The following KCNQ5 variants were observed in gnomAD, a reference collection of about 807,000 sequenced individuals.
KCNQ5 encodes potassium voltage-gated channel subfamily KQT member 5.
A neutral mutation model predicts 98.2 loss-of-function variants in KCNQ5; 30 were observed. The observed-to-expected ratio is 0.31, with a 90% CI of 0.23 to 0.41. The LOEUF (loss-of-function observed/expected upper bound fraction) is 0.41, where lower values mean the gene tolerates loss of function less well. Ranked by LOEUF, KCNQ5 falls within the 10% of genes least tolerant of loss-of-function variation. The probability of loss-of-function intolerance (pLI) is 1.00; values close to 1 mark genes in which losing one functional copy is unlikely to be tolerated. For missense variants in KCNQ5, 835 were observed against 1,182.5 expected (o/e 0.71, Z 4.31); for synonymous variants, 458 against 449.4 (o/e 1.02, Z -0.24).
intron 1 of KCNQ5, among the ~76,000 whole-genome samples, chr6:72,658,539 C>G (rs1766318750): frequency 7.3e-6 from 1 of 137,762 alleles, no homozygotes; most frequent in Admixed American, 7.7e-5. Flanking sequence ...CCTCAGCCTC[C>G]CAAAGTGCTG....
intron 1 of KCNQ5, among the ~76,000 whole-genome samples, chr6:72,712,977 C>T (rs1053944924): frequency 2.0e-5 from 3 of 152,148 alleles, no homozygotes; most frequent in African/African-American, 7.2e-5. Context: ...TTTCTCTCTC[C>T]TGTTTGCTGC....
intron 11 of KCNQ5, among the ~76,000 whole-genome samples, chr6:73,178,074 AATTT>A (rs1459106882): frequency 6.6e-6 from 1 of 151,938 alleles, no homozygotes; most frequent in African/African-American, 2.4e-5. Flanking sequence ...ATGTATAGTC[AATTT>A]ATTTATTTAC....
intron 11 of KCNQ5, among the ~76,000 whole-genome samples, chr6:73,185,187 A>G (rs1778526654): frequency 6.6e-6 from 1 of 152,100 alleles, no homozygotes; most frequent in Non-Finnish European, 1.5e-5. Context: ...GAAAGAAGTG[A>G]GCTTTTTTTG....
intron 1 of KCNQ5, among the ~76,000 whole-genome samples, chr6:72,768,736 T>C (rs957948102): frequency 6.6e-6 from 1 of 151,936 alleles, no homozygotes; most frequent in African/African-American, 2.4e-5. Context: ...TCTTTATAGT[T>C]ACCTTATTTT....
At chr6:72,765,670 C>G (rs117339450) in intron 1 of KCNQ5, among the ~76,000 whole-genome samples, 1 of 151,974 alleles carries the variant, frequency 6.6e-6, no homozygotes, top group Non-Finnish European at 1.5e-5. Flanking sequence ...AGGCAGGAGG[C>G]AGCTGATATC....
intron 1 of KCNQ5, among the ~76,000 whole-genome samples, chr6:72,895,580 T>C (rs747649615): frequency 1.2e-4 from 18 of 151,022 alleles, no homozygotes; most frequent in Non-Finnish European, 1.8e-4. Flanking sequence ...GAATTAGTCA[T>C]TACCGTGTAC....
intron 1 of KCNQ5, among the ~76,000 whole-genome samples, chr6:72,836,599 C>CT (rs1236329382): frequency 6.6e-6 from 1 of 152,040 alleles, no homozygotes; most frequent in Non-Finnish European, 1.5e-5. Flanking sequence ...CCACCACACT[C>CT]TGCTAATTTT....
intron 8 of KCNQ5, among the ~76,000 whole-genome samples, chr6:73,124,059 G>A (rs933563955): frequency 6.6e-6 from 1 of 152,128 alleles, no homozygotes; most frequent in Non-Finnish European, 1.5e-5. Flanking sequence ...ATCTGCCTCA[G>A]CAAGTGACTG....
chr6:72,720,592 T>G (rs552961470), intron 1 of KCNQ5, among the ~76,000 whole-genome samples: 1 of 152,376 alleles, frequency 6.6e-6, no homozygotes, highest in South Asian at 2.1e-4. Flanking sequence ...CAAAGAGGTT[T>G]CTGCTAACAT....
chr6:72,642,569 C>T (rs1161000293), intron 1 of KCNQ5, among the ~76,000 whole-genome samples: 1 of 152,130 alleles, frequency 6.6e-6, no homozygotes, highest in Non-Finnish European at 1.5e-5. Flanking sequence ...TACCATCTCA[C>T]ACCAGTCAGA....
chr6:72,860,804 T>A (rs1208993946), intron 1 of KCNQ5, among the ~76,000 whole-genome samples: 1 of 151,930 alleles, frequency 6.6e-6, no homozygotes, highest in Non-Finnish European at 1.5e-5. Context: ...TTGGTCTTAA[T>A]GTATTCCTGG....
intron 5 of KCNQ5, among the ~76,000 whole-genome samples, chr6:73,099,120 A>G: frequency 1.5e-5 from 1 of 67,850 alleles, no homozygotes; most frequent in East Asian, 3.9e-4. Context: ...TGCAAGCCTC[A>G]TAGTAACCTA....
At chr6:72,955,537 C>G (rs921827209) in intron 1 of KCNQ5, among the ~76,000 whole-genome samples, 2 of 152,038 alleles carry the variant, frequency 1.3e-5, no homozygotes, top group African/African-American at 2.4e-5. Context: ...CTTTGTGCCT[C>G]TAATTAAAAA....
intron 3 of KCNQ5, among the ~76,000 whole-genome samples, chr6:73,060,679 C>A (rs1158242940): frequency 6.6e-6 from 1 of 152,070 alleles, no homozygotes; most frequent in African/African-American, 2.4e-5. Context: ...TTATAAGGAG[C>A]TCTAGAAATC....
rs542273929 is a variant in KCNQ5, at chr6:72,699,658, A to C, written c.398+77071A>C. 3.3e-5 allele frequency among the ~76,000 whole-genome samples: 5 copies of C among 152,332 alleles called. No homozygotes were observed. The South Asian group carries it at 8.3e-4, about 25-fold the overall frequency. On this transcript the variant is annotated intron_variant, in intron 1 of 13. Coordinates refer to ENST00000370398, the MANE Select transcript of KCNQ5 (RefSeq NM_019842.4). ...AATCTCAAGAATTTATAATTTGATG[A>C]TCTAAAGATTTATTTAATATAAGAA...
At position 72,954,648 on chromosome 6, in the gene KCNQ5, G is replaced by A. The variant is rs140903344; in HGVS notation, c.399-49260G>A. Among the ~76,000 whole-genome samples the A allele has an allele frequency of 3.6e-4, 55 of 151,702 alleles. No individual in the cohort carries two copies. In the East Asian group the frequency reaches 5.1e-3, roughly 14 times the overall value. On this transcript the variant is annotated intron_variant, in intron 1 of 13. Coordinates refer to ENST00000370398, the MANE Select transcript of KCNQ5 (RefSeq NM_019842.4). ...TCTCACTGGTTATTGAAAAACTGTC[G>A]CTCTGTAGTCAGGGGTGGCAGGAAT...
At chr6:73,110,996 A>C (rs1226154532) in intron 6 of KCNQ5, among the ~76,000 whole-genome samples, 1 of 152,160 alleles carries the variant, frequency 6.6e-6, no homozygotes, top group Non-Finnish European at 1.5e-5. Flanking sequence ...CACACACACA[A>C]AAAAATTTTA....
rs575562111 is a variant in KCNQ5, at chr6:72,727,668, A to G, written c.398+105081A>G. Among the ~76,000 whole-genome samples the G allele has an allele frequency of 1.9e-3, 285 of 152,330 alleles. 1 individual carries two copies. Among genetic ancestry groups the G allele is most frequent in the African/African-American group, 6.6e-3 (276 of 41,572 alleles). On this transcript the variant is annotated intron_variant, in intron 1 of 13. Transcript: ENST00000370398. Reference sequence around the variant, plus strand: ...GGTGTGTTAGTTAGCTGTTGCCACAATAATACTGCATAATATATTACCTAA... The same window carrying G: ...GGTGTGTTAGTTAGCTGTTGCCACAGTAATACTGCATAATATATTACCTAA...
chr6:72,973,100 T>C (rs985167764), intron 1 of KCNQ5, among the ~76,000 whole-genome samples: 2 of 152,222 alleles, frequency 1.3e-5, no homozygotes, highest in African/African-American at 4.8e-5. Flanking sequence ...CATAGCCACA[T>C]TCACTGATGT....
Sources: gnomAD v4.1 joint callset for allele counts (sites outside exome capture counted in the v4.1 genomes callset) on GRCh38, gnomAD v4.1.1 for gene constraint, MANE v1.5 for transcripts, NCBI Gene and HGNC (gene_info 2026-07-23, HGNC 2026-07-21) for gene names.